Variants in MGAT4C observed in about 807,000 individuals in gnomAD.
The protein encoded by MGAT4C is MGAT4 family member C.
Under a neutral mutation model 40.1 loss-of-function variants are expected in MGAT4C, and 19 were observed. The ratio of observed to expected loss-of-function variants is 0.47; its 90% confidence interval spans 0.33 to 0.70. The LOEUF (loss-of-function observed/expected upper bound fraction) is 0.70, where lower values mean the gene tolerates loss of function less well. MGAT4C is among the 30% of genes least tolerant of loss of function. The pLI is 0.02. For missense variants in MGAT4C, 491 were observed against 563.2 expected (o/e 0.87, Z 1.30); for synonymous variants, 181 against 187.1 (o/e 0.97, Z 0.27).
intron 3 of MGAT4C, among the ~76,000 whole-genome samples, chr12:86,348,683 C>T (rs1261820678): frequency 6.6e-6 from 1 of 152,060 alleles, no homozygotes; most frequent in African/African-American, 2.4e-5. Flanking sequence ...GTATGAATCT[C>T]ATTCAATAGT....
intron 1 of MGAT4C, among the ~76,000 whole-genome samples, chr12:86,200,653 T>G (rs1373524782): frequency 6.6e-6 from 1 of 152,072 alleles, no homozygotes; most frequent in African/African-American, 2.4e-5. Context: ...TTTGTGTAGA[T>G]TTTGCTCATT....
intron 1 of MGAT4C, among the ~76,000 whole-genome samples, chr12:86,734,191 G>A (rs901103654): frequency 2.6e-5 from 4 of 152,086 alleles, no homozygotes; most frequent in African/African-American, 9.7e-5. Context: ...GTTATGAAGG[G>A]AGATTGAAAT....
intron 1 of MGAT4C, among the ~76,000 whole-genome samples, chr12:86,767,243 A>G (rs369516089): frequency 1.7e-4 from 26 of 152,164 alleles, no homozygotes; most frequent in African/African-American, 4.1e-4. Context: ...ACACCTCTAC[A>G]CAAATAAACT....
intron 2 of MGAT4C, among the ~76,000 whole-genome samples, chr12:86,530,478 T>A (rs775591886): frequency 5.9e-5 from 9 of 151,996 alleles, no homozygotes; most frequent in Admixed American, 1.3e-4. Context: ...ATAAAATGAA[T>A]ATATTCCCTA....
chr12:86,793,440 T>G (rs1306660655), intron 1 of MGAT4C, among the ~76,000 whole-genome samples: 1 of 152,122 alleles, frequency 6.6e-6, no homozygotes, highest in Non-Finnish European at 1.5e-5. Context: ...GAAATATTTT[T>G]ATTTAATTTT....
At chr12:86,349,035 C>A (rs1015207142) in intron 3 of MGAT4C, among the ~76,000 whole-genome samples, 2 of 152,098 alleles carry the variant, frequency 1.3e-5, no homozygotes, top group South Asian at 2.1e-4. Context: ...TCTGTTTGAG[C>A]TCAATAGCAA....
Position 86,284,488 on chromosome 12 carries a change from C to T in MGAT4C, c.-57+49577G>A, listed in dbSNP as rs190359518. On this transcript the variant is annotated intron_variant, in intron 4 of 7. Coordinates refer to the MGAT4C transcript ENST00000548651. ...TTTAAACTAGTCTGAAAAAATCTGCCAAAAAAATACCCAAAAAACAAATCA... is the reference window on the plus strand; with the variant it reads ...TTTAAACTAGTCTGAAAAAATCTGCTAAAAAAATACCCAAAAAACAAATCA... Among the ~76,000 whole-genome samples the T allele has an allele frequency of 3.3e-5, 5 of 151,588 alleles. No individual in the cohort carries two copies. The East Asian group carries it at 9.7e-4, about 29-fold the overall frequency.
intron 1 of MGAT4C, among the ~76,000 whole-genome samples, chr12:86,183,245 G>A (rs1255248688): frequency 6.6e-6 from 1 of 152,006 alleles, no homozygotes; most frequent in Non-Finnish European, 1.5e-5. Flanking sequence ...GAAAGGATCT[G>A]TATCTTTCAA....
rs569873061 is a variant in MGAT4C, at chr12:86,588,620, C to T, written c.-229+138589G>A. On this transcript the variant is annotated intron_variant, in intron 2 of 7. Coordinates refer to the MGAT4C transcript ENST00000548651. ...TATAGATTTTTTCAGCACCACACCACACCTATTCCAAAACTGACCACATAC... is the reference window on the plus strand; with the variant it reads ...TATAGATTTTTTCAGCACCACACCATACCTATTCCAAAACTGACCACATAC... 2.7e-3 allele frequency among the ~76,000 whole-genome samples: 409 copies of T among 152,190 alleles called. 4 individuals carry two copies. The highest frequency in any genetic ancestry group is 9.6e-3 in the African/African-American group (398 of 41,536).
chr12:86,408,939 G>C (rs1408080250), intron 3 of MGAT4C, among the ~76,000 whole-genome samples: 2 of 151,982 alleles, frequency 1.3e-5, no homozygotes, highest in Admixed American at 1.3e-4. Flanking sequence ...ATGACTTTTT[G>C]TGAAGATCAG....
intron 2 of MGAT4C, among the ~76,000 whole-genome samples, chr12:86,649,631 T>C (rs1304862180): frequency 4.6e-5 from 7 of 151,824 alleles, no homozygotes; most frequent in African/African-American, 1.7e-4. Context: ...AAAACTAAGT[T>C]GGGTGTTTTT....
chr12:86,210,477 C>CA (rs1157901412), intron 1 of MGAT4C, among the ~76,000 whole-genome samples: 1 of 152,170 alleles, frequency 6.6e-6, no homozygotes, highest in Non-Finnish European at 1.5e-5. Context: ...ATCTGATATT[C>CA]ACTCATAAGC....
intron 3 of MGAT4C, among the ~76,000 whole-genome samples, chr12:86,429,340 A>AT: frequency 6.6e-6 from 1 of 152,238 alleles, no homozygotes; most frequent in South Asian, 2.1e-4. Flanking sequence ...TATAATTTAT[A>AT]TTTTTTAAAA....
intron 1 of MGAT4C, among the ~76,000 whole-genome samples, chr12:86,207,792 T>C (rs1242535047): frequency 6.6e-6 from 1 of 152,184 alleles, no homozygotes; most frequent in Non-Finnish European, 1.5e-5. Context: ...TTGATCCTTG[T>C]TTTCCTGAAA....
chr12:86,728,666 G>C (rs748764671), intron 1 of MGAT4C, among the ~76,000 whole-genome samples: 4 of 152,156 alleles, frequency 2.6e-5, no homozygotes, highest in Non-Finnish European at 4.4e-5. Flanking sequence ...CCTCCAGCCT[G>C]GGTGACAGAG....
At chr12:86,231,169 T>C (rs1951307668) in intron 1 of MGAT4C, among the ~76,000 whole-genome samples, 1 of 152,214 alleles carries the variant, frequency 6.6e-6, no homozygotes, top group South Asian at 2.1e-4. Flanking sequence ...AGAAACTTTC[T>C]AAAACATTCC....
At chr12:86,096,488 T>G (rs1873948585) in intron 1 of MGAT4C, among the ~76,000 whole-genome samples, 2 of 151,272 alleles carry the variant, frequency 1.3e-5, no homozygotes, top group African/African-American at 4.8e-5. Flanking sequence ...TTATCTTAAT[T>G]GGTTGTCTGT....
At chr12:86,358,626 G>C (rs1955374690) in intron 3 of MGAT4C, among the ~76,000 whole-genome samples, 1 of 152,168 alleles carries the variant, frequency 6.6e-6, no homozygotes, top group Non-Finnish European at 1.5e-5. Context: ...TAAAGGGATG[G>C]AGGAAGATCT....
At chr12:86,040,666 A>C (rs567326491) in intron 2 of MGAT4C, among the ~76,000 whole-genome samples, 7 of 152,116 alleles carry the variant, frequency 4.6e-5, no homozygotes, top group Non-Finnish European at 8.8e-5. Flanking sequence ...TTTCCAGGGC[A>C]GTGAATGATT....
Sources: gnomAD v4.1 joint callset for allele counts (sites outside exome capture counted in the v4.1 genomes callset) on GRCh38, gnomAD v4.1.1 for gene constraint, MANE v1.5 for transcripts, NCBI Gene and HGNC (gene_info 2026-07-23, HGNC 2026-07-21) for gene names.